PARD6G: variants seen among roughly 807,000 people sequenced by gnomAD.
The protein encoded by PARD6G is partitioning defective 6 homolog gamma.
In PARD6G, 7 loss-of-function variants were observed where a neutral mutation model predicts 10.7. The observed-to-expected ratio is 0.66, with a 90% confidence interval of 0.37 to 1.23. PARD6G has a LOEUF of 1.23. Among genes scored for constraint, PARD6G ranks in the 50% most tolerant of loss-of-function variants. PARD6G has a pLI of 0.02. For synonymous variants in PARD6G, 287 were observed against 269.4 expected (o/e 1.07, Z -0.64); for missense variants, 548 against 571.8 (o/e 0.96, Z 0.42).
At position 80,159,582 on chromosome 18, in the gene PARD6G, T is replaced by C. The variant is rs970167021; in HGVS notation, c.*189A>G. On this transcript the variant is annotated 3_prime_UTR_variant, in exon 3 of 3. Transcript: ENST00000353265. ...TATAGAGTGTCTCTACAGGCGTTCA[T>C]TTTAAGTTCTGTGGCGAAATTCTAT... The C allele has an allele frequency of 1.8e-5, 18 of 993,266 alleles. 1 individual carries two copies. In the South Asian group the frequency reaches 2.4e-4, roughly 13 times the overall value. 61.5% of individuals were successfully genotyped at this position (993,266 alleles called of 1,614,324 possible). A position where few individuals can be genotyped will look rare whatever the true frequency, so the allele number is the denominator to read the frequency against.
intron 1 of PARD6G, among the ~76,000 whole-genome samples, chr18:80,242,137 G>C (rs780903565): frequency 8.3e-4 from 126 of 152,292 alleles, no homozygotes; most frequent in Non-Finnish European, 1.4e-3. Flanking sequence ...CAGGGGCAGT[G>C]ACGCCATCAG....
chr18:80,216,952 G>A (rs1187262209), intron 1 of PARD6G, among the ~76,000 whole-genome samples: 1 of 152,052 alleles, frequency 6.6e-6, no homozygotes, highest in Non-Finnish European at 1.5e-5. Flanking sequence ...AAGGAATCAA[G>A]GATTATAAAC....
At position 80,160,374 on chromosome 18, in the gene PARD6G, A is replaced by G. The variant is rs1223423268; in HGVS notation, c.528T>C (p.Asp176=). 1.9e-6 allele frequency: 3 copies of G among 1,609,984 alleles called. No homozygotes were observed. In the African/African-American group the frequency reaches 4.0e-5, roughly 21 times the overall value. ...GCGGGGTCACGCGCACGCTGGCGCC[A>G]TCGCGGATGTAGAAGCCCAGCGGCT... ...CEKPLGFYIR[D]GASVRVTPHG... The change falls in exon 3 of 3, where the codon GAT becomes GAC. Residue 176 remains aspartate, a synonymous_variant. Transcript: ENST00000353265.
rs1967248182 is a variant in PARD6G at position 80,222,886 on chromosome 18, G to A, written c.73-19954C>T. Among the ~76,000 whole-genome samples the A allele has an allele frequency of 2.6e-5, 4 of 152,214 alleles. No homozygotes were observed. In the South Asian group the frequency reaches 6.2e-4, roughly 24 times the overall value. ...AGACAGTGTTTCACCATATTGCCCA[G>A]GCTGGTCTTGAGCTCCTGGACTCAA... is the stretch of plus-strand genomic sequence containing the variant. On this transcript the variant is annotated intron_variant, in intron 1 of 2. Transcript: ENST00000353265.
At chr18:80,162,191 C>T (rs2052704931) in intron 2 of PARD6G, 1 of 152,198 alleles carries the variant, frequency 6.6e-6, no homozygotes, top group South Asian at 2.1e-4. Context: ...TGACGGAACC[C>T]ATCCGTCATC....
intron 2 of PARD6G, chr18:80,162,646 G>A (rs1283992102): frequency 5.9e-6 from 1 of 169,274 alleles, no homozygotes; most frequent in African/African-American, 2.4e-5. Context: ...CATGAAGCGA[G>A]TGGGAGAGAT....
At chr18:80,174,390 A>G (rs2052795744) in intron 2 of PARD6G, among the ~76,000 whole-genome samples, 1 of 151,734 alleles carries the variant, frequency 6.6e-6, no homozygotes, top group Non-Finnish European at 1.5e-5. Flanking sequence ...GTGATCGACA[A>G]CTCCTGGGCT....
intron 2 of PARD6G, among the ~76,000 whole-genome samples, chr18:80,173,779 C>A (rs1173762242): frequency 6.6e-6 from 1 of 152,228 alleles, no homozygotes; most frequent in Non-Finnish European, 1.5e-5. Context: ...ACACACTTTT[C>A]TCTGCCAAAA....
intron 1 of PARD6G, among the ~76,000 whole-genome samples, chr18:80,242,511 A>G (rs573557201): frequency 6.6e-6 from 1 of 152,280 alleles, no homozygotes; most frequent in Non-Finnish European, 1.5e-5. Flanking sequence ...AACACTGCAC[A>G]CCTGGCTGTC....
In PARD6G at chr18:80,161,161, G is replaced by A. The variant is rs1234567345; in HGVS notation, c.296-555C>T. 6.6e-6 allele frequency among the ~76,000 whole-genome samples: 1 copy of A among 152,174 alleles called. No homozygotes were observed. Among genetic ancestry groups the A allele is most frequent in the East Asian group, 1.9e-4 (1 of 5,188 alleles). On this transcript the variant is annotated intron_variant, in intron 2 of 2. Transcript: ENST00000353265. The surrounding 1 kb of genome is among the most constrained non-coding windows in gnomAD (Gnocchi z 4.6). ...CAGTCGGGCGTGTGAGCATTTCCCT[G>A]CGTTTTTGGTTAGCAGCTGATGAGG... is the stretch of plus-strand genomic sequence containing the variant.
At chr18:80,205,820 A>G (rs1309524567) in intron 1 of PARD6G, among the ~76,000 whole-genome samples, 1 of 152,220 alleles carries the variant, frequency 6.6e-6, no homozygotes, top group Non-Finnish European at 1.5e-5. Flanking sequence ...ACTAATACAT[A>G]TACCAACTTC....
At chr18:80,222,606 G>A (rs1967244171) in intron 1 of PARD6G, among the ~76,000 whole-genome samples, 1 of 152,110 alleles carries the variant, frequency 6.6e-6, no homozygotes, top group Non-Finnish European at 1.5e-5. Flanking sequence ...CTAACATAGA[G>A]ACGTATAAAC....
At chr18:80,174,906 A>G (rs1274150663) in intron 2 of PARD6G, among the ~76,000 whole-genome samples, 1 of 152,052 alleles carries the variant, frequency 6.6e-6, no homozygotes, top group Non-Finnish European at 1.5e-5. Context: ...CCGAGATTGT[A>G]CCACTGCACT....
intron 2 of PARD6G, among the ~76,000 whole-genome samples, chr18:80,174,369 G>T (rs1393374773): frequency 2.0e-5 from 3 of 152,148 alleles, no homozygotes; most frequent in Admixed American, 2.0e-4. Flanking sequence ...AGGCCGCTAG[G>T]TGACAGCAGG....
intron 2 of PARD6G, among the ~76,000 whole-genome samples, chr18:80,163,162 T>C (rs1467738932): frequency 1.3e-5 from 2 of 152,166 alleles, no homozygotes; most frequent in Admixed American, 6.5e-5. Flanking sequence ...TGCAAGAACA[T>C]TGTGGTGCAG....
chr18:80,247,090 C>G lies in PARD6G; in HGVS notation c.72+187G>C, dbSNP rs1275585568. Among the ~76,000 whole-genome samples the G allele has an allele frequency of 6.6e-6, 1 of 152,096 alleles. No homozygotes were observed. On this transcript the variant is annotated intron_variant, in intron 1 of 2. Transcript: ENST00000353265. The surrounding 1 kb of genome is among the most constrained non-coding windows in gnomAD (Gnocchi z 4.2). ...CCGCGGCTGCCGGGCTTTGTGTCCG[C>G]GCGGGGGGCGGGAAGGACGGCCGGG... is the stretch of plus-strand genomic sequence containing the variant.
rs541472879 is a variant in PARD6G, at chr18:80,191,939, A to G, written c.295+10771T>C. Among the ~76,000 whole-genome samples the G allele has an allele frequency of 1.4e-3, 211 of 152,390 alleles. 2 individuals carry two copies. In the Middle Eastern group the frequency reaches 0.061, roughly 44 times the overall value. On this transcript the variant is annotated intron_variant, in intron 2 of 2. Transcript: ENST00000353265. ...GTTTAGGTTAGAAAAGACTTGTTCC[A>G]AGATAGGGATTTATTTCCTAACGCT...
chr18:80,192,459 G>C lies in PARD6G; in HGVS notation c.295+10251C>G, dbSNP rs1204097196. 6.6e-6 allele frequency among the ~76,000 whole-genome samples: 1 copy of C among 151,886 alleles called. No homozygotes were observed. Among genetic ancestry groups the C allele is most frequent in the East Asian group, 1.9e-4 (1 of 5,146 alleles). ...GGGGAGAGCAGGTGCCACGGCGGGA[G>C]CCCAGGGGACGGGGGAGAGCAGGTG... On this transcript the variant is annotated intron_variant, in intron 2 of 2. Coordinates refer to ENST00000353265, the MANE Select transcript of PARD6G (RefSeq NM_032510.4). The surrounding 1 kb of genome is among the most constrained non-coding windows in gnomAD (Gnocchi z 4.9).
intron 1 of PARD6G, among the ~76,000 whole-genome samples, chr18:80,226,306 G>A (rs1237485152): frequency 6.6e-6 from 1 of 151,662 alleles, no homozygotes; most frequent in Non-Finnish European, 1.5e-5. Context: ...GAGTAGCTGG[G>A]ATTACAGGCA....
Sources: gnomAD v4.1 joint callset for allele counts (sites outside exome capture counted in the v4.1 genomes callset) on GRCh38, gnomAD v4.1.1 for gene constraint, Gnocchi (gnomAD v3.1) non-coding constraint, MANE v1.5 for transcripts, NCBI Gene and HGNC (gene_info 2026-07-23, HGNC 2026-07-21) for gene names.